The following SLC25A12 variants were observed in gnomAD, a reference collection of about 807,000 sequenced individuals.
The protein encoded by SLC25A12 is solute carrier family 25 member 12.
In SLC25A12, 32 loss-of-function variants were observed where a neutral mutation model predicts 83.3. The ratio of observed to expected loss-of-function variants is 0.38; its 90% CI spans 0.29 to 0.52. The LOEUF (loss-of-function observed/expected upper bound fraction) is 0.52. Ranked by LOEUF, SLC25A12 falls within the 20% of genes least tolerant of loss-of-function variation. The pLI, the probability that SLC25A12 is intolerant of heterozygous loss-of-function variation, is 0.84. For missense variants in SLC25A12, 611 were observed against 835.6 expected (o/e 0.73, Z 3.31); for synonymous variants, 267 against 291.1 (o/e 0.92, Z 0.84).
At chr2:171,833,554 A>G (rs1684491930) in intron 8 of SLC25A12, among the ~76,000 whole-genome samples, 2 of 152,152 alleles carry the variant, frequency 1.3e-5, no homozygotes. Context: ...TACAGGCGTG[A>G]GCCACTGGGC....
intron 13 of SLC25A12, among the ~76,000 whole-genome samples, chr2:171,808,144 T>C (rs1175606223): frequency 1.3e-5 from 2 of 152,224 alleles, no homozygotes; most frequent in African/African-American, 2.4e-5. Flanking sequence ...TGTTATCAAA[T>C]ATGAAACAAA....
chr2:171,846,017 G>A (rs914389875), intron 4 of SLC25A12, among the ~76,000 whole-genome samples: 14 of 152,108 alleles, frequency 9.2e-5, no homozygotes, highest in Admixed American at 3.3e-4. Context: ...GTGAAACTTC[G>A]AAGTTGTAAA....
At chr2:171,846,959 T>C (rs1168555262) in intron 4 of SLC25A12, among the ~76,000 whole-genome samples, 1 of 152,240 alleles carries the variant, frequency 6.6e-6, no homozygotes, top group African/African-American at 2.4e-5. Context: ...AGAATGTCTC[T>C]GAAACAATTA....
intron 9 of SLC25A12, among the ~76,000 whole-genome samples, chr2:171,818,908 T>A (rs960426931): frequency 2.0e-5 from 3 of 151,342 alleles, no homozygotes; most frequent in African/African-American, 7.3e-5. Context: ...CTAGATTCTA[T>A]AAAAACAAAA....
At chr2:171,876,183 G>T (rs1166160257) in intron 2 of SLC25A12, among the ~76,000 whole-genome samples, 4 of 152,130 alleles carry the variant, frequency 2.6e-5, no homozygotes, top group African/African-American at 4.8e-5. Flanking sequence ...GAGGTATTTT[G>T]CCAGTGTTTT....
intron 13 of SLC25A12, among the ~76,000 whole-genome samples, chr2:171,804,937 G>C (rs897270210): frequency 6.6e-6 from 1 of 152,180 alleles, no homozygotes; most frequent in African/African-American, 2.4e-5. Context: ...AGAAGTGATA[G>C]CTAAAAGGTA....
chr2:171,848,414 C>G, intron 4 of SLC25A12: 1 of 382,562 alleles, frequency 2.6e-6, no homozygotes, highest in South Asian at 1.9e-5. Flanking sequence ...TTCTTATTGT[C>G]AGGGGGAAAA....
At chr2:171,841,632 CAA>C (rs1196098287) in intron 5 of SLC25A12, among the ~76,000 whole-genome samples, 1 of 152,208 alleles carries the variant, frequency 6.6e-6, no homozygotes, top group African/African-American at 2.4e-5. Flanking sequence ...CTTGGCCTCC[CAA>C]AGTGCTAGGA....
intron 2 of SLC25A12, among the ~76,000 whole-genome samples, chr2:171,890,933 A>C (rs1283109423): frequency 2.0e-5 from 3 of 152,244 alleles, no homozygotes; most frequent in African/African-American, 7.2e-5. Flanking sequence ...CAACATAAAA[A>C]TAAAGGCATC....
chr2:171,789,572 G>A (rs1683379636), intron 15 of SLC25A12, among the ~76,000 whole-genome samples: 1 of 152,154 alleles, frequency 6.6e-6, no homozygotes, highest in South Asian at 2.1e-4. Flanking sequence ...TGGAAAAGGA[G>A]GAGAGAACCA....
chr2:171,804,344 C>T (rs955566730), intron 13 of SLC25A12, among the ~76,000 whole-genome samples: 9 of 152,062 alleles, frequency 5.9e-5, no homozygotes, highest in South Asian at 2.1e-4. Flanking sequence ...TTGCAACCTC[C>T]GCCTCCCAGG....
chr2:171,846,354 T>A (rs1305440813), intron 4 of SLC25A12, among the ~76,000 whole-genome samples: 2 of 152,054 alleles, frequency 1.3e-5, no homozygotes, highest in African/African-American at 4.8e-5. Flanking sequence ...TATTTGATAA[T>A]AAATGTATAT....
At chr2:171,824,683 A>AT (rs1276217228) in intron 9 of SLC25A12, among the ~76,000 whole-genome samples, 1 of 142,414 alleles carries the variant, frequency 7.0e-6, no homozygotes, top group South Asian at 2.3e-4. Flanking sequence ...TTTATTAAAA[A>AT]TTTTTCACAT....
intron 11 of SLC25A12, among the ~76,000 whole-genome samples, chr2:171,810,726 G>C (rs1683931001): frequency 9.8e-6 from 1 of 101,886 alleles, no homozygotes; most frequent in Non-Finnish European, 2.3e-5. Flanking sequence ...CCTACATAAT[G>C]GCATACAGTG....
chr2:171,827,221 C>T (rs561115001), intron 8 of SLC25A12, among the ~76,000 whole-genome samples: 16 of 152,086 alleles, frequency 1.1e-4, no homozygotes, highest in Middle Eastern at 3.4e-3. Context: ...AAAGGACAGG[C>T]GCAAAGTATC....
chr2:171,791,395 C>G (rs1683454539), intron 15 of SLC25A12, 56 bp downstream of exon 15: 3 of 1,391,426 alleles, frequency 2.2e-6, no homozygotes, highest in Admixed American at 1.7e-5. Flanking sequence ...CATAGAGATT[C>G]TGTACTTTTT....
At chr2:171,835,488 G>T (rs1684535112) in intron 6 of SLC25A12, among the ~76,000 whole-genome samples, 1 of 152,204 alleles carries the variant, frequency 6.6e-6, no homozygotes, top group Non-Finnish European at 1.5e-5. Flanking sequence ...TGTCTTCAAT[G>T]GAATAGTGCA....
chr2:171,790,975 G>A (rs1683439763), intron 15 of SLC25A12, among the ~76,000 whole-genome samples: 2 of 152,154 alleles, frequency 1.3e-5, no homozygotes, highest in South Asian at 4.1e-4. Context: ...GGCAATGGTA[G>A]GAAGAAGAGG....
In SLC25A12 at chr2:171,877,672, GAA is replaced by G. The variant is rs199971332; in HGVS notation, c.67-8851_67-8850del. On this transcript the variant is annotated intron_variant, in intron 2 of 17. Transcript: ENST00000422440. ...CGACCAGAAGAAGACTCCATCCCAG[GAA>G]AAAAAAAAAAAAAAAGGATGTATGC... Among the ~76,000 whole-genome samples the G allele has an allele frequency of 8.6e-3, 804 of 93,154 alleles. 4 individuals carry two copies. The highest frequency in any genetic ancestry group is 0.014 in the Middle Eastern group (2 of 138). 61.1% of individuals were successfully genotyped at this position (93,154 alleles called of 152,430 possible).
Sources: allele counts gnomAD v4.1 joint callset (sites outside exome capture counted in the v4.1 genomes callset), GRCh38; gene constraint gnomAD v4.1.1; transcripts MANE v1.5; gene names NCBI Gene and HGNC (gene_info 2026-07-23, HGNC 2026-07-21).